Variants in KLHDC3 observed in about 807,000 individuals in gnomAD.
KLHDC3 encodes the protein kelch domain containing 3, also known as kelch domain-containing protein 3.
Under a neutral mutation model 44.1 loss-of-function variants are expected in KLHDC3, and 5 were observed. The observed-to-expected ratio is 0.11, with a 90% CI of 0.06 to 0.24. The LOEUF is 0.24. Among genes scored for constraint, KLHDC3 ranks in the 10% least tolerant of loss-of-function variants. The pLI, the probability that KLHDC3 is intolerant of heterozygous loss-of-function variation, is 1.00. For missense variants in KLHDC3, 247 were observed against 514.3 expected, an observed-to-expected ratio of 0.48 and a Z score of 5.03; for synonymous variants, 170 against 189.0, an observed-to-expected ratio of 0.90 and a Z score of 0.82.
At chr6:43,015,725 C>G (rs1478660138) in intron 1 of KLHDC3, among the ~76,000 whole-genome samples, 1 of 151,928 alleles carries the variant, frequency 6.6e-6, no homozygotes, top group Non-Finnish European at 1.5e-5. Flanking sequence ...TGGCAGGCGC[C>G]TGTAATCCCA....
Position 43,018,825 on chromosome 6 carries a change from T to C in KLHDC3, c.821-38T>C, listed in dbSNP as rs772929809. ...ATGGGGGTGGGGAAGATACCTGGAC[T>C]AGGCAGGTATTGAACTTCCATATAA... is the stretch of plus-strand genomic sequence containing the variant. On this transcript the variant is annotated intron_variant, in intron 7 of 10. Transcript: ENST00000326974. This position sits in a 1 kb window ranked among gnomAD's most constrained non-coding sequence, Gnocchi z 6.0. 6.5e-7 allele frequency: 1 copy of C among 1,533,232 alleles called. No homozygotes were observed. The highest frequency in any genetic ancestry group is 1.1e-5 in the South Asian group (1 of 89,256). 95.0% of individuals were successfully genotyped at this position (1,533,232 alleles called of 1,614,324 possible).
rs1417817897 is a variant in KLHDC3, at chr6:43,018,509, G to A, written c.686G>A (p.Cys229Tyr). ...FDTRTEAWLDCPPTPVLPEGR... is the reference protein window; with the variant it reads ...FDTRTEAWLDYPPTPVLPEGR... ...ACCAGAACTGAGGCTTGGCTGGACT[G>A]TCCCCCGACTCCAGTGCTGCCTGAG... Residue 229 changes from cysteine to tyrosine, a missense_variant, in exon 6 of 11, where the codon TGT becomes TAT. Around this residue, in one of 2 missense-constraint regions of KLHDC3, gnomAD observed 176 missense variants for 413.5 expected, o/e 0.43. Coordinates refer to ENST00000326974, the MANE Select transcript of KLHDC3 (RefSeq NM_057161.4). The surrounding 1 kb of genome is among the most constrained non-coding windows in gnomAD (Gnocchi z 6.0). 3 of 1,614,024 alleles carry A rather than the reference G, an allele frequency of 1.9e-6. No individual in the cohort carries two copies. The African/African-American group carries it at 4.0e-5, about 22-fold the overall frequency.
rs1424834981 is a variant in KLHDC3, at chr6:43,020,905, G to T, written c.*172G>T. 4 of 677,912 alleles carry T rather than the reference G, an allele frequency of 5.9e-6. No homozygotes were observed. Among genetic ancestry groups the T allele is most frequent in the Non-Finnish European group, 1.1e-5 (4 of 372,852 alleles). 42.0% of individuals were successfully genotyped at this position (677,912 alleles called of 1,614,324 possible). On this transcript the variant is annotated 3_prime_UTR_variant, in exon 11 of 11. Coordinates refer to ENST00000326974, the MANE Select transcript of KLHDC3 (RefSeq NM_057161.4). ...TTCAGTGGGGAGCTGTAGCGGGGTGGGGGCTAGGTTCCTCCCCCCTTGGGC... is the reference window on the plus strand; with the variant it reads ...TTCAGTGGGGAGCTGTAGCGGGGTGTGGGCTAGGTTCCTCCCCCCTTGGGC...
At position 43,017,725 on chromosome 6, in the gene KLHDC3, C is replaced by T; in HGVS notation, c.331+30C>T. 6.2e-7 allele frequency: 1 copy of T among 1,604,878 alleles called. No homozygotes were observed. Among genetic ancestry groups the T allele is most frequent in the Non-Finnish European group, 8.5e-7 (1 of 1,173,558 alleles). On this transcript the variant is annotated intron_variant, in intron 3 of 10. Transcript: ENST00000326974. This position sits in a 1 kb window ranked among gnomAD's most constrained non-coding sequence, Gnocchi z 6.0. ...GTATGGATCTCAGAGAGGCTATGTC[C>T]TTCCAGATGTTGCCTCAGTTGCCCA...
intron 1 of KLHDC3, 135 bp downstream of exon 1, chr6:43,014,483 G>A (rs1316423228): frequency 2.0e-6 from 1 of 505,570 alleles, no homozygotes; most frequent in Admixed American, 2.3e-5. Context: ...TGATGGGAAA[G>A]GAGAGTGTTA....
intron 1 of KLHDC3, among the ~76,000 whole-genome samples, chr6:43,015,942 T>TG (rs1003259398): frequency 6.6e-6 from 1 of 151,284 alleles, no homozygotes; most frequent in African/African-American, 2.4e-5. Flanking sequence ...CCCTTCCCCT[T>TG]TTTTTTTGTT....
At chr6:43,014,696 CAG>C (rs576154518) in intron 1 of KLHDC3, 103 of 448,508 alleles carry the variant, frequency 2.3e-4, no homozygotes, top group South Asian at 1.6e-3. Context: ...GAGTCATATG[CAG>C]AGAGGGGTAT....
chr6:43,020,905 G>A lies in KLHDC3; in HGVS notation c.*172G>A. Reference sequence around the variant, plus strand: ...TTCAGTGGGGAGCTGTAGCGGGGTGGGGGCTAGGTTCCTCCCCCCTTGGGC... The same window carrying A: ...TTCAGTGGGGAGCTGTAGCGGGGTGAGGGCTAGGTTCCTCCCCCCTTGGGC... On this transcript the variant is annotated 3_prime_UTR_variant, in exon 11 of 11. Transcript: ENST00000326974. 1 of 678,030 alleles carries A rather than the reference G, an allele frequency of 1.5e-6. No individual in the cohort carries two copies. The highest frequency in any genetic ancestry group is 2.7e-6 in the Non-Finnish European group (1 of 372,844). 42.0% of individuals were successfully genotyped at this position (678,030 alleles called of 1,614,324 possible).
rs887469649 is a variant in KLHDC3 at position 43,018,524 on chromosome 6, T to C, written c.701T>C (p.Val234Ala). The stretch of plus-strand genomic sequence containing the variant: ...TGGCTGGACTGTCCCCCGACTCCAG[T>C]GCTGCCTGAGGGGCGCCGGAGCCAC... ...EAWLDCPPTP[V>A]LPEGRRSHSA... Residue 234 changes from valine (V) to alanine (A), a missense_variant, in exon 6 of 11, where the codon GTG becomes GCG. Transcript: ENST00000326974. The surrounding 1 kb of genome is among the most constrained non-coding windows in gnomAD (Gnocchi z 6.0). The C allele has an allele frequency of 6.2e-7, 1 of 1,614,204 alleles. No individual in the cohort carries two copies.
At position 43,017,396 on chromosome 6, in the gene KLHDC3, G is replaced by T; in HGVS notation, c.154+50G>T. On this transcript the variant is annotated intron_variant, in intron 2 of 10. Transcript: ENST00000326974. This position sits in a 1 kb window ranked among gnomAD's most constrained non-coding sequence, Gnocchi z 6.0. ...TGGGTCCCCACATCAGGGTGGGAAC[G>T]GGCTGCTGATGAGGTTTGGCTGTGG... 1 of 1,585,292 alleles carries T rather than the reference G, an allele frequency of 6.3e-7. No individual in the cohort carries two copies. The highest frequency in any genetic ancestry group is 8.6e-7 in the Non-Finnish European group (1 of 1,161,650).
At position 43,017,396 on chromosome 6, in the gene KLHDC3, G is replaced by C; in HGVS notation, c.154+50G>C. ...TGGGTCCCCACATCAGGGTGGGAAC[G>C]GGCTGCTGATGAGGTTTGGCTGTGG... On this transcript the variant is annotated intron_variant, in intron 2 of 10. Coordinates refer to ENST00000326974, the MANE Select transcript of KLHDC3 (RefSeq NM_057161.4). The surrounding 1 kb of genome is among the most constrained non-coding windows in gnomAD (Gnocchi z 6.0). 6.3e-7 allele frequency: 1 copy of C among 1,585,292 alleles called. No individual in the cohort carries two copies. The highest frequency in any genetic ancestry group is 8.6e-7 in the Non-Finnish European group (1 of 1,161,650).
At position 43,017,608 on chromosome 6, in the gene KLHDC3, A is replaced by G. The variant is rs757941406; in HGVS notation, c.244A>G (p.Thr82Ala). 29 of 1,613,974 alleles carry G rather than the reference A, an allele frequency of 1.8e-5. No individual in the cohort carries two copies. The highest frequency in any genetic ancestry group is 2.3e-5 in the Non-Finnish European group (27 of 1,180,012). ...ACCCTACATGCGCTATGGACACTCA[A>G]CCGTCCTCATCGACGACACAGTCCT... is the stretch of plus-strand genomic sequence containing the variant. ...VVPYMRYGHS[T>A]VLIDDTVLLW... The change falls in exon 3 of 11, where the codon ACC (threonine) becomes GCC (alanine). Residue 82 changes from threonine (T) to alanine (A), a missense_variant. By Grantham distance (58) the Thr-to-Ala change is moderately conservative. This residue lies in a region of KLHDC3 where 176 missense variants were observed against 413.5 expected (regional missense o/e 0.43). Coordinates refer to ENST00000326974, the MANE Select transcript of KLHDC3 (RefSeq NM_057161.4). This position sits in a 1 kb window ranked among gnomAD's most constrained non-coding sequence, Gnocchi z 6.0.
At position 43,019,065 on chromosome 6, in the gene KLHDC3, C is replaced by T. The variant is rs374403440; in HGVS notation, c.930-27C>T. 4.4e-6 allele frequency: 7 copies of T among 1,602,766 alleles called. No homozygotes were observed. The African/African-American group carries it at 8.0e-5, about 18-fold the overall frequency. On this transcript the variant is annotated intron_variant, in intron 8 of 10. Coordinates refer to ENST00000326974, the MANE Select transcript of KLHDC3 (RefSeq NM_057161.4). ...GGTTTCGTGGGTAGTTTTTGTCCTA[C>T]TTTCATCTCTCTTTTGATCCCGACA...
chr6:43,019,113 G>A lies in KLHDC3; in HGVS notation c.951G>A (p.Leu317=), dbSNP rs374855977. Residue 317 remains leucine (L), a synonymous_variant, in exon 9 of 11, where the codon CTG becomes CTA. Coordinates refer to ENST00000326974, the MANE Select transcript of KLHDC3 (RefSeq NM_057161.4). ...ACAGTCCATCTCCTGAGGAAGGCCT[G>A]GGAGATGAATTTGACCTTATAGATC... is the stretch of plus-strand genomic sequence containing the variant. The part of the protein sequence containing the change: ...GGTSPSPEEG[L]GDEFDLIDHS... The A allele has an allele frequency of 1.0e-4, 165 of 1,613,354 alleles. No homozygotes were observed. The highest frequency in any genetic ancestry group is 1.3e-4 in the Non-Finnish European group (149 of 1,179,402).
chr6:43,020,411 C>T (rs1455570523), intron 10 of KLHDC3, among the ~76,000 whole-genome samples: 1 of 152,118 alleles, frequency 6.6e-6, no homozygotes, highest in Non-Finnish European at 1.5e-5. Context: ...TGCCTGGACA[C>T]TGCAATATAC....
Position 43,019,133 on chromosome 6 carries a change from T to C in KLHDC3, c.971T>C (p.Ile324Thr), listed in dbSNP as rs1477164169. The C allele has an allele frequency of 6.2e-7, 1 of 1,613,508 alleles. No individual in the cohort carries two copies. The highest frequency in any genetic ancestry group is 1.1e-5 in the South Asian group (1 of 91,074). ...GGCCTGGGAGATGAATTTGACCTTA[T>C]AGATCATTCTGACTTACACATTTTG... is the stretch of plus-strand genomic sequence containing the variant. ...EEGLGDEFDL[I>T]DHSDLHILDF... Residue 324 changes from isoleucine (I) to threonine (T), a missense_variant, in exon 9 of 11, where the codon ATA (isoleucine) becomes ACA (threonine). Physicochemically the swap from Ile to Thr is moderately conservative, Grantham distance 89. Around this residue, in one of 2 missense-constraint regions of KLHDC3, gnomAD observed 176 missense variants for 413.5 expected, o/e 0.43. Transcript: ENST00000326974.
chr6:43,017,138 C>T lies in KLHDC3; in HGVS notation c.-55C>T. On this transcript the variant is annotated 5_prime_UTR_variant, in exon 2 of 11. Coordinates refer to ENST00000326974, the MANE Select transcript of KLHDC3 (RefSeq NM_057161.4). The surrounding 1 kb of genome is among the most constrained non-coding windows in gnomAD (Gnocchi z 6.0). The stretch of plus-strand genomic sequence containing the variant: ...GTGGCCCCAATTTGTGTGCAGATAG[C>T]AGAGGCAGCAGGCCGTGCCGGGGGG... 1.9e-6 allele frequency: 3 copies of T among 1,574,430 alleles called. No individual in the cohort carries two copies. The Admixed American group carries it at 5.2e-5, about 27-fold the overall frequency.
chr6:43,015,871 A>G (rs1401612723), intron 1 of KLHDC3, among the ~76,000 whole-genome samples: 3 of 151,184 alleles, frequency 2.0e-5, no homozygotes, highest in Non-Finnish European at 4.4e-5. Flanking sequence ...AAAAAAAAAA[A>G]AAGACCATGA....
At position 43,020,935 on chromosome 6, in the gene KLHDC3, G is replaced by A; in HGVS notation, c.*202G>A. 1 of 666,788 alleles carries A rather than the reference G, an allele frequency of 1.5e-6. No individual in the cohort carries two copies. The highest frequency in any genetic ancestry group is 2.1e-5 in the Admixed American group (1 of 47,322). The allele number at this position is 666,788 out of a possible 1,614,324, so 41.3% of individuals were successfully genotyped here. ...TAGGTTCCTCCCCCCTTGGGCCGAGGGCCCCTTCCCCTTGGTGCTCTGTCC... is the reference window on the plus strand; with the variant it reads ...TAGGTTCCTCCCCCCTTGGGCCGAGAGCCCCTTCCCCTTGGTGCTCTGTCC... On this transcript the variant is annotated 3_prime_UTR_variant, in exon 11 of 11. Coordinates refer to ENST00000326974, the MANE Select transcript of KLHDC3 (RefSeq NM_057161.4).
Sources: allele counts gnomAD v4.1 joint callset (sites outside exome capture counted in the v4.1 genomes callset), GRCh38; gene constraint gnomAD v4.1.1; regional missense constraint gnomAD v4.1.1; non-coding constraint Gnocchi (gnomAD v3.1); transcripts MANE v1.5; gene names NCBI Gene and HGNC (gene_info 2026-07-23, HGNC 2026-07-21).